HCRTR2: variants seen among roughly 807,000 people sequenced by gnomAD.
The protein encoded by HCRTR2 is hypocretin receptor 2.
A neutral mutation model predicts 49.0 loss-of-function variants in HCRTR2; 22 were observed. The ratio of observed to expected loss-of-function variants is 0.45; its 90% CI spans 0.32 to 0.64. The LOEUF (loss-of-function observed/expected upper bound fraction) is 0.64, where lower values mean the gene tolerates loss of function less well. HCRTR2 is among the 30% of genes least tolerant of loss of function. The probability of loss-of-function intolerance (pLI) is 0.04; values close to 1 mark genes in which losing one functional copy is unlikely to be tolerated. For missense variants in HCRTR2, 491 were observed against 559.4 expected (o/e 0.88, Z 1.23); for synonymous variants, 236 against 205.3 (o/e 1.15, Z -1.28).
chr6:55,275,904 C>G (rs1767068643), intron 4 of HCRTR2, among the ~76,000 whole-genome samples: 1 of 152,104 alleles, frequency 6.6e-6, no homozygotes, highest in Non-Finnish European at 1.5e-5. Flanking sequence ...TGTAGATTCT[C>G]TCCTTCAGGG....
At chr6:55,188,137 C>T (rs989080170) in intron 1 of HCRTR2, among the ~76,000 whole-genome samples, 1 of 152,166 alleles carries the variant, frequency 6.6e-6, no homozygotes, top group South Asian at 2.1e-4. Flanking sequence ...TACAGCTATG[C>T]TAGTCTGCGT....
chr6:55,232,992 G>A (rs1012412973), intron 1 of HCRTR2, among the ~76,000 whole-genome samples: 2 of 152,014 alleles, frequency 1.3e-5, no homozygotes, highest in Non-Finnish European at 2.9e-5. Flanking sequence ...ATTCTTAACA[G>A]TAATTTGAAG....
rs111430231 is a variant in HCRTR2, at chr6:55,248,131, G to A, written c.224-508G>A. Among the ~76,000 whole-genome samples the A allele has an allele frequency of 5.3e-4, 80 of 152,134 alleles. 1 individual carries two copies. The highest frequency in any genetic ancestry group is 1.8e-3 in the African/African-American group (74 of 41,520). On this transcript the variant is annotated intron_variant, in intron 1 of 6. Transcript: ENST00000370862. ...CATAAGTATATGAACCATCTAGCTCGGTATTTGGCAATGGTAGGAGCTGAA... is the reference window on the plus strand; with the variant it reads ...CATAAGTATATGAACCATCTAGCTCAGTATTTGGCAATGGTAGGAGCTGAA...
chr6:55,125,578 A>T (rs1764262492), intron 1 of HCRTR2, among the ~76,000 whole-genome samples: 1 of 152,032 alleles, frequency 6.6e-6, no homozygotes. Flanking sequence ...GGTGAATATG[A>T]TGATTCTGTG....
intron 1 of HCRTR2, among the ~76,000 whole-genome samples, chr6:55,133,662 CATCTATCTATCT>C (rs5876428): frequency 0.038 from 5,607 of 148,752 alleles, 141 homozygotes; most frequent in Middle Eastern, 0.083. Context: ...ATCTATCTAT[CATCTATCTATCT>C]ATCTATCTAT....
chr6:55,210,538 C>A (rs978310771), intron 1 of HCRTR2, among the ~76,000 whole-genome samples: 9 of 152,078 alleles, frequency 5.9e-5, no homozygotes, highest in African/African-American at 2.2e-4. Flanking sequence ...GAATAAGACC[C>A]ACTGTTGCAG....
intron 1 of HCRTR2, among the ~76,000 whole-genome samples, chr6:55,155,872 A>C (rs933280939): frequency 6.6e-6 from 1 of 151,998 alleles, no homozygotes; most frequent in Non-Finnish European, 1.5e-5. Flanking sequence ...CATGAGAGAA[A>C]TACCTAGATG....
chr6:55,113,978 T>C (rs923431188), intron 1 of HCRTR2, among the ~76,000 whole-genome samples: 14 of 151,962 alleles, frequency 9.2e-5, no homozygotes, highest in Non-Finnish European at 1.5e-4. Flanking sequence ...AATGAAATAA[T>C]GGCATTCATA....
At chr6:55,123,794 C>T (rs532689223) in intron 1 of HCRTR2, among the ~76,000 whole-genome samples, 39 of 152,244 alleles carry the variant, frequency 2.6e-4, no homozygotes, top group Middle Eastern at 3.4e-3. Flanking sequence ...ATTACTGCCT[C>T]TATTTCAGAA....
In HCRTR2 at chr6:55,248,685, C is replaced by G; in HGVS notation, c.270C>G (p.Asn90Lys). Reference sequence around the variant, plus strand: ...ACCACCACATGAGGACGGTAACCAACTACTTCATAGTCAATCTTTCTCTGG... The same window carrying G: ...ACCACCACATGAGGACGGTAACCAAGTACTTCATAGTCAATCTTTCTCTGG... ...WKNHHMRTVT[N>K]YFIVNLSLAD... The change falls in exon 2 of 7, where the codon AAC becomes AAG. Residue 90 changes from asparagine (N) to lysine (K), a missense_variant. Transcript: ENST00000370862. 1.2e-6 allele frequency: 2 copies of G among 1,613,470 alleles called. No homozygotes were observed. Among genetic ancestry groups the G allele is most frequent in the Non-Finnish European group, 1.7e-6 (2 of 1,179,528 alleles).
chr6:55,209,201 T>C (rs953239148), intron 1 of HCRTR2, among the ~76,000 whole-genome samples: 1 of 152,182 alleles, frequency 6.6e-6, no homozygotes, highest in African/African-American at 2.4e-5. Context: ...ATCTCTAGAC[T>C]ATCAGAATTC....
Position 55,277,486 on chromosome 6 carries a change from C to T in HCRTR2, c.869C>T (p.Ala290Val), listed in dbSNP as rs1261020623. 6.2e-7 allele frequency: 1 copy of T among 1,613,968 alleles called. No homozygotes were observed. The highest frequency in any genetic ancestry group is 8.5e-7 in the Non-Finnish European group (1 of 1,179,920). Residue 290 changes from alanine (A) to valine (V), a missense_variant, in exon 5 of 7, where the codon GCG becomes GTG. By Grantham distance (64) the Ala-to-Val change is moderately conservative. Transcript: ENST00000370862. ...ACGAAGTCCCGGATGAGCGCTGTGG[C>T]GGCTGAAATAAAGCAGATCCGAGCC... ...QPTKSRMSAV[A>V]AEIKQIRARR...
chr6:55,204,415 A>G (rs893918895), intron 1 of HCRTR2, among the ~76,000 whole-genome samples: 22 of 152,168 alleles, frequency 1.4e-4, no homozygotes, highest in African/African-American at 5.3e-4. Flanking sequence ...GTTCATTGGT[A>G]TCACTTCCAA....
intron 2 of HCRTR2, among the ~76,000 whole-genome samples, chr6:55,250,071 TA>T (rs1377011360): frequency 6.6e-6 from 1 of 152,126 alleles, no homozygotes; most frequent in African/African-American, 2.4e-5. Flanking sequence ...TTACCTCTTA[TA>T]AAAAGAAGTG....
At chr6:55,176,748 A>G (rs1765047149) in intron 1 of HCRTR2, among the ~76,000 whole-genome samples, 1 of 152,234 alleles carries the variant, frequency 6.6e-6, no homozygotes, top group Non-Finnish European at 1.5e-5. Context: ...AAAAGCATAT[A>G]GAGAATAGAT....
At chr6:55,265,063 C>T (rs991382302) in intron 4 of HCRTR2, among the ~76,000 whole-genome samples, 1 of 151,978 alleles carries the variant, frequency 6.6e-6, no homozygotes, top group Non-Finnish European at 1.5e-5. Context: ...CTCTTTTCCT[C>T]TGCTATTACA....
rs531263665 is a variant in HCRTR2, at chr6:55,169,411, C to G, written c.-377-4800C>G. ...CAGAAATGTTTGTGGTAATTTGTGA[C>G]AAGTAGCTTTGATTGTTCATGGCCT... On this transcript the variant is annotated intron_variant, in intron 1 of 7. Transcript: ENST00000615358. 2.6e-5 allele frequency among the ~76,000 whole-genome samples: 4 copies of G among 151,602 alleles called. No individual in the cohort carries two copies. In the South Asian group the frequency reaches 8.4e-4, roughly 32 times the overall value.
intron 1 of HCRTR2, among the ~76,000 whole-genome samples, chr6:55,237,883 A>G (rs534955922): frequency 4.6e-5 from 7 of 152,310 alleles, no homozygotes; most frequent in African/African-American, 1.7e-4. Context: ...CTCAACCAGG[A>G]GTATGTGGTT....
At chr6:55,263,901 T>C (rs1355163361) in intron 4 of HCRTR2, 79 bp downstream of exon 4, 1 of 918,396 alleles carries the variant, frequency 1.1e-6, no homozygotes, top group Non-Finnish European at 1.7e-6. Context: ...AAATATTTTG[T>C]CTGTGCTTTT....
Sources: gnomAD v4.1 joint callset for allele counts (sites outside exome capture counted in the v4.1 genomes callset) on GRCh38, gnomAD v4.1.1 for gene constraint, MANE v1.5 for transcripts, NCBI Gene and HGNC (gene_info 2026-07-23, HGNC 2026-07-21) for gene names.